FHOD1: variants seen among roughly 807,000 people sequenced by gnomAD.
FHOD1 encodes formin homology 2 domain containing 1.
FHOD1 carries 89 observed loss-of-function variants against 111.6 expected under a neutral mutation model. That is an observed-to-expected ratio of 0.80 (90% confidence interval 0.67 to 0.95). The LOEUF (loss-of-function observed/expected upper bound fraction) is 0.95, where lower values mean the gene tolerates loss of function less well. Among genes scored for constraint, FHOD1 ranks in the 40% least tolerant of loss-of-function variants. The probability of loss-of-function intolerance (pLI) is 0.00; values close to 1 mark genes in which losing one functional copy is unlikely to be tolerated. For missense variants in FHOD1, 1,446 were observed against 1,554.2 expected, an observed-to-expected ratio of 0.93 and a Z score of 1.17; for synonymous variants, 618 against 639.0, an observed-to-expected ratio of 0.97 and a Z score of 0.50.
chr16:67,231,576 G>A lies in FHOD1; in HGVS notation c.2386-27C>T, dbSNP rs1463863331. The A allele has an allele frequency of 8.1e-6, 13 of 1,614,058 alleles. No individual in the cohort carries two copies. The highest frequency in any genetic ancestry group is 1.1e-5 in the Non-Finnish European group (13 of 1,180,040). Reference sequence around the variant, plus strand: ...TGGTATGGGAGACCAGGGACTCTCAGACTACATGGTCATGATGCTTACCTG... The same window carrying A: ...TGGTATGGGAGACCAGGGACTCTCAAACTACATGGTCATGATGCTTACCTG... On this transcript the variant is annotated intron_variant, in intron 15 of 21. Coordinates refer to ENST00000258201, the MANE Select transcript of FHOD1 (RefSeq NM_013241.3). The surrounding 1 kb of genome is among the most constrained non-coding windows in gnomAD (Gnocchi z 4.3).
intron 1 of FHOD1, among the ~76,000 whole-genome samples, chr16:67,241,872 C>T (rs1418601094): frequency 6.6e-6 from 1 of 152,250 alleles, no homozygotes; most frequent in Admixed American, 6.5e-5. Context: ...GCTGTCCTGC[C>T]TCCTTGCATG....
In FHOD1 at chr16:67,245,386, T is replaced by C. The variant is rs185568390; in HGVS notation, c.201+1824A>G. ...GGACACGGGTCCCATGAGAGGGAGATAGAAGGAGTGGTTCTGAGCCTCTTT... is the reference window on the plus strand; with the variant it reads ...GGACACGGGTCCCATGAGAGGGAGACAGAAGGAGTGGTTCTGAGCCTCTTT... On this transcript the variant is annotated intron_variant, in intron 1 of 21. Coordinates refer to ENST00000258201, the MANE Select transcript of FHOD1 (RefSeq NM_013241.3). Among the ~76,000 whole-genome samples, 228 of 152,146 alleles carry C rather than the reference T, an allele frequency of 1.5e-3. 1 individual carries two copies. The highest frequency in any genetic ancestry group is 5.0e-3 in the African/African-American group (206 of 41,488).
At chr16:67,246,551 G>C (rs368894815) in intron 1 of FHOD1, among the ~76,000 whole-genome samples, 2 of 152,304 alleles carry the variant, frequency 1.3e-5, no homozygotes, top group South Asian at 2.1e-4. Flanking sequence ...TTTCAGGCGC[G>C]GGCCGATGGG....
intron 1 of FHOD1, among the ~76,000 whole-genome samples, chr16:67,241,238 C>A (rs2034659598): frequency 6.6e-6 from 1 of 152,016 alleles, no homozygotes; most frequent in Admixed American, 6.6e-5. Flanking sequence ...GGCCTGGCCA[C>A]TTTCCCCTCC....
Position 67,237,347 on chromosome 16 carries a change from G to A in FHOD1, c.885C>T (p.Tyr295=), listed in dbSNP as rs373831988. Residue 295 remains tyrosine, a synonymous_variant, in exon 9 of 22, where the codon TAC becomes TAT. Coordinates refer to ENST00000258201, the MANE Select transcript of FHOD1 (RefSeq NM_013241.3). This position sits in a 1 kb window ranked among gnomAD's most constrained non-coding sequence, Gnocchi z 5.6. ...GCTGCTCCAGTGCATCCGTCACATC[G>A]TAGAAGGAGTCCTGGTCCGGGAGCG... ...LAALPDQDSF[Y]DVTDALEQQG... 8 of 1,614,010 alleles carry A rather than the reference G, an allele frequency of 5.0e-6. No homozygotes were observed. The highest frequency in any genetic ancestry group is 3.3e-5 in the Admixed American group (2 of 60,016).
In FHOD1 at chr16:67,231,418, A is replaced by G; in HGVS notation, c.2505+12T>C. ...CCCTGACTCCCCCTAGTCCCCATGTACTCTCACTCACCTGGGAGCCATTGA... is the reference window on the plus strand; with the variant it reads ...CCCTGACTCCCCCTAGTCCCCATGTGCTCTCACTCACCTGGGAGCCATTGA... On this transcript the variant is annotated intron_variant, in intron 16 of 21. Coordinates refer to ENST00000258201, the MANE Select transcript of FHOD1 (RefSeq NM_013241.3). The surrounding 1 kb of genome is among the most constrained non-coding windows in gnomAD (Gnocchi z 4.3). 1.3e-6 allele frequency: 2 copies of G among 1,509,504 alleles called. No individual in the cohort carries two copies. Among genetic ancestry groups the G allele is most frequent in the Non-Finnish European group, 1.8e-6 (2 of 1,109,340 alleles). The allele number at this position is 1,509,504 out of a possible 1,614,324, so 93.5% of individuals were successfully genotyped here. A position where few individuals can be genotyped will look rare whatever the true frequency, so the allele number is the denominator to read the frequency against.
At chr16:67,236,398 G>A (rs1396981664) in intron 11 of FHOD1, 159 bp downstream of exon 11, 1 of 1,461,798 alleles carries the variant, frequency 6.8e-7, no homozygotes, top group Admixed American at 2.4e-5. Context: ...CCCACCCGCT[G>A]GCAGTCACTT....
chr16:67,231,604 C>A lies in FHOD1; in HGVS notation c.2385+33G>T. The A allele has an allele frequency of 6.2e-7, 1 of 1,614,092 alleles. No homozygotes were observed. The highest frequency in any genetic ancestry group is 8.5e-7 in the Non-Finnish European group (1 of 1,179,976). ...TACATGGTCATGATGCTTACCTGTC[C>A]CTACTGACTGTCCCACTCCAAGACC... On this transcript the variant is annotated intron_variant, in intron 15 of 21. Transcript: ENST00000258201. This position sits in a 1 kb window ranked among gnomAD's most constrained non-coding sequence, Gnocchi z 4.3.
In FHOD1 at chr16:67,238,199, G is replaced by A. The variant is rs2034561359; in HGVS notation, c.547+3C>T. The stretch of plus-strand genomic sequence containing the variant: ...GAGGTCATGGGAGAGGGGCGGGGCT[G>A]ACCTCTAAGGATGTAGCTCTGGTAG... On this transcript the variant is annotated splice_donor_region_variant and intron_variant, in intron 5 of 21. Coordinates refer to ENST00000258201, the MANE Select transcript of FHOD1 (RefSeq NM_013241.3). This position sits in a 1 kb window ranked among gnomAD's most constrained non-coding sequence, Gnocchi z 4.2. 1 of 1,614,096 alleles carries A rather than the reference G, an allele frequency of 6.2e-7. No individual in the cohort carries two copies. The highest frequency in any genetic ancestry group is 1.3e-5 in the African/African-American group (1 of 75,048).
rs1264803028 is a variant in FHOD1, at chr16:67,237,370, G to C, written c.862C>G (p.Leu288Val). ...TCGTAGAAGGAGTCCTGGTCCGGGA[G>C]CGCCGCCAGCGTCTGGAGGGCGGGG... ...VTLINKTLAA[L>V]PDQDSFYDVT... Residue 288 changes from leucine (L) to valine (V), a missense_variant, in exon 9 of 22, where the codon CTC (leucine) becomes GTC (valine). By Grantham distance (32) the Leu-to-Val change is conservative. Transcript: ENST00000258201. This position sits in a 1 kb window ranked among gnomAD's most constrained non-coding sequence, Gnocchi z 5.6. 2 of 1,613,956 alleles carry C rather than the reference G, an allele frequency of 1.2e-6. No individual in the cohort carries two copies. Among genetic ancestry groups the C allele is most frequent in the East Asian group, 4.5e-5 (2 of 44,854 alleles).
rs932370623 is a variant in FHOD1 at position 67,232,199 on chromosome 16, A to G, written c.2047-5T>C. The G allele has an allele frequency of 3.1e-6, 5 of 1,613,832 alleles. No individual in the cohort carries two copies. Among genetic ancestry groups the G allele is most frequent in the South Asian group, 1.1e-5 (1 of 91,074 alleles). The stretch of plus-strand genomic sequence containing the variant: ...CCGGCGGCCCTCTCCAGCTTTCTGC[A>G]TGGTTGGGGGAAGGGCAGTGTAAGA... On this transcript the variant is annotated splice_polypyrimidine_tract_variant and splice_region_variant and intron_variant, in intron 13 of 21. Coordinates refer to ENST00000258201, the MANE Select transcript of FHOD1 (RefSeq NM_013241.3).
rs1268798458 is a variant in FHOD1 at position 67,231,380 on chromosome 16, G to GT, written c.2506-32dup. ...AGGACCCTTTCTGAGCCTGGGCCTG[G>GT]TTGGCTCCAGAACCCTGACTCCCCC... is the stretch of plus-strand genomic sequence containing the variant. On this transcript the variant is annotated intron_variant, in intron 16 of 21. Transcript: ENST00000258201. The surrounding 1 kb of genome is among the most constrained non-coding windows in gnomAD (Gnocchi z 4.3). The GT allele has an allele frequency of 6.2e-7, 1 of 1,614,030 alleles. No homozygotes were observed. The highest frequency in any genetic ancestry group is 1.3e-5 in the African/African-American group (1 of 75,008).
Position 67,233,949 on chromosome 16 carries a change from G to A in FHOD1, c.1754C>T (p.Pro585Leu), listed in dbSNP as rs748329982. 16 of 1,525,648 alleles carry A rather than the reference G, an allele frequency of 1.0e-5. No homozygotes were observed. In the Admixed American group the frequency reaches 2.1e-4, roughly 20 times the overall value. The allele number at this position is 1,525,648 out of a possible 1,614,324, so 94.5% of individuals were successfully genotyped here. Residue 585 changes from proline (P) to leucine (L), a missense_variant, in exon 13 of 22, where the codon CCT becomes CTT. Coordinates refer to ENST00000258201, the MANE Select transcript of FHOD1 (RefSeq NM_013241.3). ...GGGTGGGGGAGGTGGAAGTGGGGGA[G>A]GGGGGGGTACTCCCGAGAGCAGGGG... is the stretch of plus-strand genomic sequence containing the variant. ...PLPLLSGVPP[P>L]PPLPPPPPIK...
chr16:67,244,177 C>G (rs1424073702), intron 1 of FHOD1, among the ~76,000 whole-genome samples: 2 of 152,104 alleles, frequency 1.3e-5, no homozygotes, highest in Non-Finnish European at 2.9e-5. Flanking sequence ...GCCTTTGCAG[C>G]AGGGTCAGAG....
chr16:67,244,099 A>ATG (rs1319163649), intron 1 of FHOD1, among the ~76,000 whole-genome samples: 1 of 152,180 alleles, frequency 6.6e-6, no homozygotes, highest in African/African-American at 2.4e-5. Context: ...CAGCTAGGGA[A>ATG]ACAAAGTTGC....
In FHOD1 at chr16:67,236,954, G is replaced by C. The variant is rs774850201; in HGVS notation, c.1142+12C>G. 58 of 1,571,944 alleles carry C rather than the reference G, an allele frequency of 3.7e-5. No homozygotes were observed. Among genetic ancestry groups the C allele is most frequent in the Non-Finnish European group, 5.0e-5 (58 of 1,160,826 alleles). ...GATCCACCCTTTCCCATCTACAGATGCTCGTACTTACCCAGGTTCCGGGGC... is the reference window on the plus strand; with the variant it reads ...GATCCACCCTTTCCCATCTACAGATCCTCGTACTTACCCAGGTTCCGGGGC... On this transcript the variant is annotated intron_variant, in intron 10 of 21. Coordinates refer to ENST00000258201, the MANE Select transcript of FHOD1 (RefSeq NM_013241.3).
chr16:67,238,550 T>C lies in FHOD1; in HGVS notation c.374-103A>G. On this transcript the variant is annotated intron_variant, in intron 3 of 21. Coordinates refer to ENST00000258201, the MANE Select transcript of FHOD1 (RefSeq NM_013241.3). The surrounding 1 kb of genome is among the most constrained non-coding windows in gnomAD (Gnocchi z 4.2). ...CCACCAAAGAATAGTCTAATATATA[T>C]GTTTTGGTCTGAGAGACAGGGTCTC... The C allele has an allele frequency of 8.6e-7, 1 of 1,157,538 alleles. No individual in the cohort carries two copies. Among genetic ancestry groups the C allele is most frequent in the East Asian group, 2.6e-5 (1 of 39,036 alleles). The allele number at this position is 1,157,538 out of a possible 1,614,324, so 71.7% of individuals were successfully genotyped here.
Position 67,233,660 on chromosome 16 carries a change from G to C in FHOD1, c.2043C>G (p.Ser681=), listed in dbSNP as rs750558526. The C allele has an allele frequency of 2.2e-5, 35 of 1,591,828 alleles. No individual in the cohort carries two copies. The highest frequency in any genetic ancestry group is 3.0e-5 in the Non-Finnish European group (35 of 1,163,950). ...FESRAKEVLP[S]KKAGEGRRTM... ...CCTTGCAGATGAGTGGATTTACCTTGGAGGGCAGCACCTCTTTGGCACGAG... is the reference window on the plus strand; with the variant it reads ...CCTTGCAGATGAGTGGATTTACCTTCGAGGGCAGCACCTCTTTGGCACGAG... The change falls in exon 13 of 22, where the codon TCC becomes TCG. Residue 681 remains serine (S), a synonymous_variant. Transcript: ENST00000258201.
intron 11 of FHOD1, chr16:67,236,285 G>C (rs775918622): frequency 2.8e-5 from 28 of 993,712 alleles, no homozygotes; most frequent in Non-Finnish European, 3.7e-5. Flanking sequence ...GAACAAGGGA[G>C]TGACAGATAG....
Sources: gnomAD v4.1 joint callset for allele counts (sites outside exome capture counted in the v4.1 genomes callset) on GRCh38, gnomAD v4.1.1 for gene constraint, Gnocchi (gnomAD v3.1) non-coding constraint, MANE v1.5 for transcripts, NCBI Gene and HGNC (gene_info 2026-07-23, HGNC 2026-07-21) for gene names.